The following NPEPL1 variants were observed in gnomAD, a reference collection of about 807,000 sequenced individuals.
NPEPL1 encodes probable aminopeptidase NPEPL1.
NPEPL1 carries 45 observed loss-of-function variants against 52.4 expected under a neutral mutation model. The observed-to-expected ratio is 0.86, with a 90% CI of 0.68 to 1.10. The LOEUF (loss-of-function observed/expected upper bound fraction) is 1.10. NPEPL1 is among the 50% of genes least tolerant of loss of function. The probability of loss-of-function intolerance (pLI) is 0.00; values close to 1 mark genes in which losing one functional copy is unlikely to be tolerated. For missense variants in NPEPL1, 696 were observed against 710.9 expected (o/e 0.98, Z 0.24); for synonymous variants, 360 against 314.7 (o/e 1.14, Z -1.52).
Position 58,694,407 on chromosome 20 carries a change from C to G in NPEPL1, c.337-15C>G. 6.2e-7 allele frequency: 1 copy of G among 1,600,384 alleles called. No individual in the cohort carries two copies. The highest frequency in any genetic ancestry group is 2.2e-5 in the East Asian group (1 of 44,614). On this transcript the variant is annotated splice_polypyrimidine_tract_variant and intron_variant, in intron 2 of 11. Coordinates refer to ENST00000356091, the MANE Select transcript of NPEPL1 (RefSeq NM_024663.4). ...GGCCCTTGCACCCCTCACGCCGTCT[C>G]CCTATGTGCCACAGATGGTCTGCGA...
chr20:58,708,141 A>T (rs2084771969), intron 7 of NPEPL1, among the ~76,000 whole-genome samples: 2 of 152,172 alleles, frequency 1.3e-5, no homozygotes, highest in Admixed American at 6.5e-5. Context: ...TTACCTTCCT[A>T]GCCTACCTTT....
At chr20:58,693,291 A>C in intron 1 of NPEPL1, 1 of 174,606 alleles carries the variant, frequency 5.7e-6, no homozygotes. Context: ...GCGCCCCGCG[A>C]GGCCGCGACA....
At chr20:58,711,110 C>G (rs138627671) in intron 7 of NPEPL1, 1 of 71,224 alleles carries the variant, frequency 1.4e-5, no homozygotes, top group East Asian at 2.4e-4. Flanking sequence ...CCTCCTCCCC[C>G]CCTCCTCCCC....
At chr20:58,704,196 C>G in intron 6 of NPEPL1, 1 of 985,356 alleles carries the variant, frequency 1.0e-6, no homozygotes, top group South Asian at 4.7e-5. Flanking sequence ...AGGCATTCTC[C>G]CCAGTGGCTG....
At position 58,713,962 on chromosome 20, in the gene NPEPL1, G is replaced by C. The variant is rs536787675; in HGVS notation, c.1171G>C (p.Ala391Pro). The C allele has an allele frequency of 3.3e-6, 5 of 1,519,360 alleles. No individual in the cohort carries two copies. The highest frequency in any genetic ancestry group is 3.5e-6 in the Non-Finnish European group (4 of 1,137,336). 94.1% of individuals were successfully genotyped at this position (1,519,360 alleles called of 1,614,324 possible). ...CCACGCCGCGGTGCTCACCAACAGC[G>C]CTGAGTGGGAGGCCGCCTGTGTGAA... is the stretch of plus-strand genomic sequence containing the variant. ...KYHAAVLTNS[A>P]EWEAACVKAG... Residue 391 changes from alanine (A) to proline (P), a missense_variant, in exon 10 of 12, where the codon GCT becomes CCT. Coordinates refer to ENST00000356091, the MANE Select transcript of NPEPL1 (RefSeq NM_024663.4). This position sits in a 1 kb window ranked among gnomAD's most constrained non-coding sequence, Gnocchi z 4.6.
chr20:58,713,551 C>A lies in NPEPL1; in HGVS notation c.1125+8C>A. ...ACCCTGACCGGGGCTCAGGTGAGTG[C>A]TCCCTGGATCCACCCCTTAGCTGTA... On this transcript the variant is annotated splice_region_variant and intron_variant, in intron 9 of 11. Transcript: ENST00000356091. The surrounding 1 kb of genome is among the most constrained non-coding windows in gnomAD (Gnocchi z 4.6). The A allele has an allele frequency of 1.9e-6, 3 of 1,592,898 alleles. No homozygotes were observed. The highest frequency in any genetic ancestry group is 1.7e-6 in the Non-Finnish European group (2 of 1,167,074).
chr20:58,707,436 G>T (rs1442298799), intron 7 of NPEPL1, among the ~76,000 whole-genome samples: 2 of 152,254 alleles, frequency 1.3e-5, no homozygotes, highest in African/African-American at 4.8e-5. Context: ...TCTGCTCAGG[G>T]CCTGCCTTGG....
At chr20:58,708,891 G>A (rs2084784699) in intron 7 of NPEPL1, among the ~76,000 whole-genome samples, 1 of 152,136 alleles carries the variant, frequency 6.6e-6, no homozygotes, top group Non-Finnish European at 1.5e-5. Context: ...GGTTCTGGAG[G>A]AGCCGTGTGG....
At chr20:58,700,945 C>T (rs2084602817) in intron 5 of NPEPL1, 71 bp from the exon 6 acceptor site, 3 of 1,354,300 alleles carry the variant, frequency 2.2e-6, no homozygotes, top group Middle Eastern at 4.2e-4. Flanking sequence ...GCCAGAGTTT[C>T]CAGGGGCCTC....
At chr20:58,694,668 G>A (rs2084425490) in intron 3 of NPEPL1, 76 bp downstream of exon 3, 1 of 1,438,204 alleles carries the variant, frequency 7.0e-7, no homozygotes, top group East Asian at 2.6e-5. Context: ...TCGGGAGAGG[G>A]AAAAGCTTGT....
In NPEPL1 at chr20:58,714,368, G is replaced by T. The variant is rs1022785883; in HGVS notation, c.1303-192G>T. Reference sequence around the variant, plus strand: ...CAGGCCCTTTGCTGGCTTCCCCCTTGGCCTATGGTGGGGGCAGACTCCTTA... The same window carrying T: ...CAGGCCCTTTGCTGGCTTCCCCCTTTGCCTATGGTGGGGGCAGACTCCTTA... On this transcript the variant is annotated intron_variant, in intron 10 of 11. Transcript: ENST00000356091. The T allele has an allele frequency of 1.2e-5, 7 of 598,226 alleles. No individual in the cohort carries two copies. The Admixed American group carries it at 1.3e-4, about 11-fold the overall frequency. 37.1% of individuals were successfully genotyped at this position (598,226 alleles called of 1,614,324 possible).
intron 6 of NPEPL1, among the ~76,000 whole-genome samples, chr20:58,705,343 C>T (rs1392482818): frequency 1.3e-5 from 2 of 152,184 alleles, no homozygotes; most frequent in Non-Finnish European, 2.9e-5. Context: ...TCTGCTCTGA[C>T]CGACCACTGC....
At chr20:58,691,756 G>T (rs1453865461), upstream of NPEPL1, 6 of 1,464,616 alleles carry the variant, frequency 4.1e-6, no homozygotes, top group East Asian at 1.5e-4. Flanking sequence ...AAAATAACAG[G>T]AGTGGCTTAT....
intron 1 of NPEPL1, 66 bp downstream of exon 1, chr20:58,693,116 G>T: frequency 2.1e-6 from 2 of 971,122 alleles, no homozygotes; most frequent in Non-Finnish European, 2.4e-6. Flanking sequence ...GGCCCGCGGA[G>T]GCCCCGCCTC....
intron 6 of NPEPL1, chr20:58,705,675 ACAAT>A (rs1322504024): frequency 1.2e-5 from 5 of 418,556 alleles, no homozygotes; most frequent in African/African-American, 8.2e-5. Flanking sequence ...GAAACTTTGC[ACAAT>A]CAATCAGTTG....
chr20:58,715,086 C>T, intron 11 of NPEPL1, 82 bp from the exon 12 acceptor site: 2 of 1,462,540 alleles, frequency 1.4e-6, no homozygotes, highest in South Asian at 2.5e-5. Context: ...GTGGAGGGGA[C>T]CCAGGAGGTG....
intron 5 of NPEPL1, among the ~76,000 whole-genome samples, chr20:58,700,677 G>T (rs1051800265): frequency 2.0e-5 from 3 of 152,204 alleles, no homozygotes; most frequent in African/African-American, 7.2e-5. Flanking sequence ...GGACGAGCAT[G>T]GGCTGGGGCA....
Position 58,693,725 on chromosome 20 carries a change from C to T in NPEPL1, c.151-12C>T, listed in dbSNP as rs1421381931. On this transcript the variant is annotated splice_polypyrimidine_tract_variant and intron_variant, in intron 1 of 11. Transcript: ENST00000356091. ...TGAAGCCTCTGTGTCTTGTCTCTCC[C>T]TTCTGATCTAGCTCTGGCAGGCTGC... is the stretch of plus-strand genomic sequence containing the variant. 3.1e-6 allele frequency: 5 copies of T among 1,593,494 alleles called. No individual in the cohort carries two copies. Among genetic ancestry groups the T allele is most frequent in the African/African-American group, 2.7e-5 (2 of 74,548 alleles).
intron 6 of NPEPL1, among the ~76,000 whole-genome samples, chr20:58,706,617 G>A (rs1429606840): frequency 6.6e-6 from 1 of 152,134 alleles, no homozygotes; most frequent in Admixed American, 6.5e-5. Flanking sequence ...TGAGGTGCTG[G>A]CCAGGGACCT....
Sources: allele counts gnomAD v4.1 joint callset (sites outside exome capture counted in the v4.1 genomes callset), GRCh38; gene constraint gnomAD v4.1.1; non-coding constraint Gnocchi (gnomAD v3.1); transcripts MANE v1.5; gene names NCBI Gene and HGNC (gene_info 2026-07-23, HGNC 2026-07-21).